ARPC1A: variants seen among roughly 807,000 people sequenced by gnomAD.
The protein encoded by ARPC1A is actin-related protein 2/3 complex subunit 1A.
Under a neutral mutation model 46.9 loss-of-function variants are expected in ARPC1A, and 8 were observed. The ratio of observed to expected loss-of-function variants is 0.17; its 90% confidence interval spans 0.10 to 0.31. The LOEUF (loss-of-function observed/expected upper bound fraction) is 0.31. Among genes scored for constraint, ARPC1A ranks in the 10% least tolerant of loss-of-function variants. The probability of loss-of-function intolerance (pLI) is 1.00; values close to 1 mark genes in which losing one functional copy is unlikely to be tolerated. For missense variants in ARPC1A, 286 were observed against 483.6 expected (o/e 0.59, Z 3.83); for synonymous variants, 152 against 169.0 (o/e 0.90, Z 0.78).
chr7:99,326,333 C>T (rs905434124), intron 1 of ARPC1A, among the ~76,000 whole-genome samples: 2 of 152,198 alleles, frequency 1.3e-5, no homozygotes, highest in African/African-American at 2.4e-5. Context: ...GGAGGATCTC[C>T]CGTAATCGAG....
intron 6 of ARPC1A, among the ~76,000 whole-genome samples, chr7:99,357,072 A>G (rs770803952): frequency 1.4e-4 from 21 of 152,114 alleles, no homozygotes; most frequent in Non-Finnish European, 2.5e-4. Flanking sequence ...ACTTGATAAT[A>G]CTTTTGTATT....
At chr7:99,362,353 T>A (rs77191453) in intron 8 of ARPC1A, among the ~76,000 whole-genome samples, 1 of 134,684 alleles carries the variant, frequency 7.4e-6, no homozygotes, top group Non-Finnish European at 1.6e-5. Context: ...TTTTTTTTTT[T>A]GAGATGGAGT....
At chr7:99,359,408 C>G (rs1478922855) in intron 7 of ARPC1A, 137 bp from the exon 8 acceptor site, 1 of 874,470 alleles carries the variant, frequency 1.1e-6, no homozygotes, top group Non-Finnish European at 1.7e-6. Context: ...TGCACTCTAG[C>G]CAGGGCAACA....
chr7:99,332,492 A>T (rs1183464693), intron 1 of ARPC1A, among the ~76,000 whole-genome samples: 1 of 152,206 alleles, frequency 6.6e-6, no homozygotes, highest in Admixed American at 6.5e-5. Context: ...GACTAGGAAT[A>T]TCCTGTACCC....
At chr7:99,358,442 G>A (rs776269596) in intron 7 of ARPC1A, 27 bp downstream of exon 7, 20 of 1,597,320 alleles carry the variant, frequency 1.3e-5, no homozygotes, top group Admixed American at 6.7e-5. Flanking sequence ...ATTCTCCCTC[G>A]GGGTGCACTG....
At chr7:99,365,288 T>TA (rs1562804852) in intron 9 of ARPC1A, among the ~76,000 whole-genome samples, 1 of 151,620 alleles carries the variant, frequency 6.6e-6, no homozygotes, top group East Asian at 1.9e-4. Context: ...CCCATCTCTA[T>TA]AAAAAAGCCA....
chr7:99,351,072 G>A (rs575153779), intron 5 of ARPC1A, among the ~76,000 whole-genome samples: 37 of 152,162 alleles, frequency 2.4e-4, no homozygotes, highest in African/African-American at 8.7e-4. Flanking sequence ...CGGAGAGGAT[G>A]GAGGTCATGG....
chr7:99,362,651 T>G (rs915867203), intron 8 of ARPC1A, among the ~76,000 whole-genome samples: 55 of 151,750 alleles, frequency 3.6e-4, no homozygotes, highest in South Asian at 8.3e-4. Flanking sequence ...CTTTGTTGTT[T>G]TTTTTTTTTA....
chr7:99,353,116 AT>A (rs1425260241), intron 5 of ARPC1A, among the ~76,000 whole-genome samples: 144 of 30,912 alleles, frequency 4.7e-3, no homozygotes, highest in East Asian at 0.045. Context: ...AGTTTAGTTT[AT>A]GTTATGTTAT....
chr7:99,363,195 A>T (rs1793772626), intron 8 of ARPC1A, among the ~76,000 whole-genome samples: 1 of 152,156 alleles, frequency 6.6e-6, no homozygotes. Flanking sequence ...TTTCCTGGAC[A>T]TCTGGTAATA....
intron 8 of ARPC1A, 110 bp from the exon 9 acceptor site, chr7:99,363,433 A>T (rs1458894107): frequency 2.5e-6 from 2 of 808,264 alleles, no homozygotes; most frequent in Non-Finnish European, 4.0e-6. Context: ...TTAAAAAATA[A>T]AGAAGAAGAT....
intron 5 of ARPC1A, among the ~76,000 whole-genome samples, chr7:99,349,225 A>T (rs567259403): frequency 6.6e-6 from 1 of 151,898 alleles, no homozygotes; most frequent in South Asian, 2.1e-4. Flanking sequence ...TAATTTTTTT[A>T]AAATTGTCTT....
chr7:99,352,492 A>G lies in ARPC1A; in HGVS notation c.501-1417A>G, dbSNP rs548064432. On this transcript the variant is annotated intron_variant, in intron 5 of 9. Transcript: ENST00000262942. ...GGCAACACAGCAAGACCCCATCTCTACAAAAAATTTTAAAATATTAGCTGG... is the reference window on the plus strand; with the variant it reads ...GGCAACACAGCAAGACCCCATCTCTGCAAAAAATTTTAAAATATTAGCTGG... Among the ~76,000 whole-genome samples the G allele has an allele frequency of 2.0e-4, 30 of 151,436 alleles. 2 individuals are homozygous for G. In the South Asian group the frequency reaches 4.0e-3, roughly 20 times the overall value.
rs547756931 is a variant in ARPC1A at position 99,334,004 on chromosome 7, T to TACACAC, written c.64+609_64+614dup. 7.2e-3 allele frequency among the ~76,000 whole-genome samples: 1,018 copies of TACACAC among 141,352 alleles called. 16 individuals carry two copies. Among genetic ancestry groups the TACACAC allele is most frequent in the African/African-American group, 0.026 (978 of 37,164 alleles). The allele number at this position is 141,352 out of a possible 152,430, so 92.7% of individuals were successfully genotyped here. On this transcript the variant is annotated intron_variant, in intron 2 of 9. Coordinates refer to ENST00000262942, the MANE Select transcript of ARPC1A (RefSeq NM_006409.4). The stretch of plus-strand genomic sequence containing the variant: ...AAAATAGAAAAACTGTGTGTGTGTG[T>TACACAC]ACACACACACACACACACACACACA...
At chr7:99,331,002 T>C (rs955987997) in intron 1 of ARPC1A, among the ~76,000 whole-genome samples, 1 of 152,256 alleles carries the variant, frequency 6.6e-6, no homozygotes, top group African/African-American at 2.4e-5. Flanking sequence ...TTAGTTACAA[T>C]TAAAAGTTTA....
chr7:99,339,169 A>G (rs921993607), intron 3 of ARPC1A, among the ~76,000 whole-genome samples: 3 of 152,150 alleles, frequency 2.0e-5, no homozygotes, highest in East Asian at 1.9e-4. Context: ...CAGCAGTCCT[A>G]TTCCTCTCCC....
At chr7:99,353,539 G>A (rs113370712) in intron 5 of ARPC1A, among the ~76,000 whole-genome samples, 1,562 of 151,308 alleles carry the variant, frequency 0.01, 26 homozygotes, top group African/African-American at 0.036. Flanking sequence ...GTGCAGTGGC[G>A]TGATCTCGGC....
At position 99,338,174 on chromosome 7, in the gene ARPC1A, T is replaced by G. The variant is rs748874972; in HGVS notation, c.65-7T>G. 1 of 1,594,714 alleles carries G rather than the reference T, an allele frequency of 6.3e-7. No homozygotes were observed. Among genetic ancestry groups the G allele is most frequent in the South Asian group, 1.1e-5 (1 of 90,304 alleles). On this transcript the variant is annotated splice_region_variant and splice_polypyrimidine_tract_variant and intron_variant, in intron 2 of 9. Transcript: ENST00000262942. ...GGTGTTAACTGTTGTTTGACTTGTGTCTCCAGAGATTGCCCTCAGTCCCAA... is the reference window on the plus strand; with the variant it reads ...GGTGTTAACTGTTGTTTGACTTGTGGCTCCAGAGATTGCCCTCAGTCCCAA...
At chr7:99,343,101 G>A (rs1793381842) in intron 3 of ARPC1A, among the ~76,000 whole-genome samples, 1 of 126,660 alleles carries the variant, frequency 7.9e-6, no homozygotes, top group Non-Finnish European at 1.6e-5. Context: ...TTAATTTTTA[G>A]AGAGAGATCT....
Sources: gnomAD v4.1 joint callset for allele counts (sites outside exome capture counted in the v4.1 genomes callset) on GRCh38, gnomAD v4.1.1 for gene constraint, MANE v1.5 for transcripts, NCBI Gene and HGNC (gene_info 2026-07-23, HGNC 2026-07-21) for gene names.